The following ROBO1 variants were observed in gnomAD, a reference collection of about 807,000 sequenced individuals.
ROBO1 encodes roundabout homolog 1.
ROBO1 carries 149 observed loss-of-function variants against 195.9 expected under a neutral mutation model. The observed-to-expected ratio is 0.76, with a 90% CI of 0.67 to 0.87. The LOEUF (loss-of-function observed/expected upper bound fraction) is 0.87. Ranked by LOEUF, ROBO1 falls within the 40% of genes least tolerant of loss-of-function variation. The probability of loss-of-function intolerance (pLI) is 0.00; values close to 1 mark genes in which losing one functional copy is unlikely to be tolerated. For synonymous variants in ROBO1, 816 were observed against 733.2 expected, an observed-to-expected ratio of 1.11 and a Z score of -1.82; for missense variants, 1,933 against 2,068.3, an observed-to-expected ratio of 0.93 and a Z score of 1.27.
chr3:79,437,006 C>T (rs1249260456), intron 2 of ROBO1, among the ~76,000 whole-genome samples: 1 of 151,900 alleles, frequency 6.6e-6, no homozygotes, highest in East Asian at 1.9e-4. Context: ...TGATTGTTGC[C>T]TTTTTGCAAA....
At chr3:79,402,048 C>T (rs1000320931) in intron 2 of ROBO1, among the ~76,000 whole-genome samples, 6 of 151,500 alleles carry the variant, frequency 4.0e-5, no homozygotes, top group African/African-American at 1.2e-4. Flanking sequence ...TTTTTGATTA[C>T]TTGATATATA....
chr3:78,852,542 C>T (rs1330210230), intron 4 of ROBO1, among the ~76,000 whole-genome samples: 1 of 152,102 alleles, frequency 6.6e-6, no homozygotes, highest in Non-Finnish European at 1.5e-5. Flanking sequence ...TGTAATTTTT[C>T]ATTAGAATCA....
At chr3:78,600,386 C>G in intron 29 of ROBO1, 77 bp from the exon 30 acceptor site, 1 of 921,474 alleles carries the variant, frequency 1.1e-6, no homozygotes, top group East Asian at 2.4e-5. Flanking sequence ...TCCTGTCTAT[C>G]TGTAATTCTG....
At chr3:78,939,573 G>C (rs902309615) in intron 3 of ROBO1, among the ~76,000 whole-genome samples, 1 of 150,370 alleles carries the variant, frequency 6.7e-6, no homozygotes, top group Non-Finnish European at 1.5e-5. Context: ...AGCCGAGATC[G>C]CGCCACTGCA....
intron 9 of ROBO1, among the ~76,000 whole-genome samples, chr3:78,687,064 A>T (rs1413290627): frequency 1.3e-5 from 2 of 152,190 alleles, no homozygotes; most frequent in East Asian, 3.9e-4. Flanking sequence ...TATTCCATGG[A>T]TATATGTCTA....
At chr3:79,159,791 G>A (rs539923206) in intron 2 of ROBO1, among the ~76,000 whole-genome samples, 6 of 151,906 alleles carry the variant, frequency 3.9e-5, no homozygotes, top group Non-Finnish European at 8.8e-5. Context: ...GCTTGATTTC[G>A]GTCTGGCCAT....
Position 79,568,529 on chromosome 3 carries a change from G to T in ROBO1, c.88+21295C>A, listed in dbSNP as rs182762939. Among the ~76,000 whole-genome samples, 83 of 147,734 alleles carry T rather than the reference G, an allele frequency of 5.6e-4. 1 individual carries two copies. Among genetic ancestry groups the T allele is most frequent in the Non-Finnish European group, 4.5e-5 (3 of 67,194 alleles). ...TTGAATTTTTTTCTTTTTCTCATTG[G>T]GACGCTTGCCTTCTCTTTGTCTCAT... On this transcript the variant is annotated intron_variant, in intron 2 of 30. Transcript: ENST00000464233.
intron 3 of ROBO1, chr3:79,019,570 TC>T: frequency 1.0e-6 from 1 of 985,242 alleles, no homozygotes; most frequent in Non-Finnish European, 1.2e-6. Flanking sequence ...CACTCTATTC[TC>T]CAGGCGCTGG....
intron 3 of ROBO1, among the ~76,000 whole-genome samples, chr3:79,116,487 C>T (rs2080003099): frequency 1.5e-5 from 2 of 136,520 alleles, no homozygotes; most frequent in African/African-American, 2.7e-5. Flanking sequence ...TCTTTCTCTC[C>T]TTCTCTCTCT....
At chr3:78,939,147 A>C (rs1040586173) in intron 3 of ROBO1, among the ~76,000 whole-genome samples, 1 of 152,038 alleles carries the variant, frequency 6.6e-6, no homozygotes, top group Non-Finnish European at 1.5e-5. Context: ...TCGCTTACAC[A>C]TTGCCTGTGC....
rs547919150 is a variant in ROBO1, at chr3:79,688,387, C to CT, written c.-51+79364dup. ...GTATAATTTTAAAAAAATCACACAG[C>CT]TTTTTCTTTCTGACATTCAGCCATT... On this transcript the variant is annotated intron_variant, in intron 1 of 30. Coordinates refer to ENST00000464233, the MANE Select transcript of ROBO1 (RefSeq NM_002941.4). 2.0e-3 allele frequency among the ~76,000 whole-genome samples: 302 copies of CT among 151,972 alleles called. 2 individuals carry two copies. Among genetic ancestry groups the CT allele is most frequent in the African/African-American group, 6.1e-3 (254 of 41,498 alleles).
At chr3:78,774,352 C>T (rs1324352596) in intron 4 of ROBO1, among the ~76,000 whole-genome samples, 1 of 151,878 alleles carries the variant, frequency 6.6e-6, no homozygotes, top group Non-Finnish European at 1.5e-5. Context: ...GCTCTATCGC[C>T]CAGGCTTGAG....
intron 2 of ROBO1, among the ~76,000 whole-genome samples, chr3:79,465,211 C>G (rs977538405): frequency 6.6e-6 from 1 of 152,006 alleles, no homozygotes; most frequent in Non-Finnish European, 1.5e-5. Flanking sequence ...ATAGATGTAA[C>G]AGGGGTGCTT....
At chr3:79,165,511 T>C (rs912292452) in intron 2 of ROBO1, among the ~76,000 whole-genome samples, 1 of 152,242 alleles carries the variant, frequency 6.6e-6, no homozygotes, top group Non-Finnish European at 1.5e-5. Flanking sequence ...GGAAAAAAGC[T>C]GATTCGAAGA....
At chr3:78,657,394 T>G in intron 17 of ROBO1, 125 bp from the exon 18 acceptor site, 1 of 890,532 alleles carries the variant, frequency 1.1e-6, no homozygotes, top group Non-Finnish European at 1.6e-6. Context: ...ATAAGAAGTT[T>G]CCAAAGTCAT....
At chr3:79,582,507 T>C (rs950375689) in intron 2 of ROBO1, among the ~76,000 whole-genome samples, 6 of 152,044 alleles carry the variant, frequency 3.9e-5, no homozygotes, top group African/African-American at 1.4e-4. Flanking sequence ...GACTATCTCA[T>C]TGACACGGTC....
At chr3:78,762,580 T>C (rs1206023631) in intron 4 of ROBO1, among the ~76,000 whole-genome samples, 2 of 152,036 alleles carry the variant, frequency 1.3e-5, no homozygotes, top group Non-Finnish European at 2.9e-5. Flanking sequence ...TAATCATGCA[T>C]TTCTTAAGTT....
In ROBO1 at chr3:78,668,634, A is replaced by G. The variant is rs546405154; in HGVS notation, c.1549-69T>C. ...CTCACTGGGCTGGAAAAGCAATTAC[A>G]GGTTTGTATATGATCCATGAATATG... On this transcript the variant is annotated intron_variant, in intron 11 of 30. Transcript: ENST00000464233. The G allele has an allele frequency of 1.1e-4, 151 of 1,408,488 alleles. No homozygotes were observed. In the African/African-American group the frequency reaches 1.8e-3, roughly 17 times the overall value. 87.2% of individuals were successfully genotyped at this position (1,408,488 alleles called of 1,614,324 possible). A position where few individuals can be genotyped will look rare whatever the true frequency, so the allele number is the denominator to read the frequency against.
At chr3:78,991,115 T>A (rs554932220) in intron 3 of ROBO1, among the ~76,000 whole-genome samples, 1 of 152,224 alleles carries the variant, frequency 6.6e-6, no homozygotes, top group South Asian at 2.1e-4. Flanking sequence ...TAGCAATTGA[T>A]TAAGGAGGCA....
Sources: allele counts gnomAD v4.1 joint callset (sites outside exome capture counted in the v4.1 genomes callset), GRCh38; gene constraint gnomAD v4.1.1; transcripts MANE v1.5; gene names NCBI Gene and HGNC (gene_info 2026-07-23, HGNC 2026-07-21).